TBC1D22B: variants seen among roughly 807,000 people sequenced by gnomAD.
TBC1D22B encodes chromosome 6 open reading frame 197.
In TBC1D22B, 32 loss-of-function variants were observed where a neutral mutation model predicts 69.1. The observed-to-expected ratio is 0.46, with a 90% CI of 0.35 to 0.62. TBC1D22B has a LOEUF of 0.62. Among genes scored for constraint, TBC1D22B ranks in the 20% least tolerant of loss-of-function variants. The pLI is 0.00. For synonymous variants in TBC1D22B, 206 were observed against 229.8 expected, an observed-to-expected ratio of 0.90 and a Z score of 0.94; for missense variants, 462 against 630.9, an observed-to-expected ratio of 0.73 and a Z score of 2.87.
At chr6:37,289,085 G>A (rs565355161) in intron 7 of TBC1D22B, among the ~76,000 whole-genome samples, 2 of 152,026 alleles carry the variant, frequency 1.3e-5, no homozygotes, top group South Asian at 4.2e-4. Context: ...TTGTAGAGAT[G>A]GGGTCTTGCT....
chr6:37,321,384 T>G (rs567901046), intron 12 of TBC1D22B, among the ~76,000 whole-genome samples: 1 of 152,288 alleles, frequency 6.6e-6, no homozygotes, highest in African/African-American at 2.4e-5. Flanking sequence ...GGTTTCCACC[T>G]CCCTCAAGAT....
chr6:37,290,505 A>G (rs1470006703), intron 7 of TBC1D22B, among the ~76,000 whole-genome samples: 1 of 152,162 alleles, frequency 6.6e-6, no homozygotes, highest in Non-Finnish European at 1.5e-5. Flanking sequence ...GGGACCATAA[A>G]GATCTTTCCT....
intron 2 of TBC1D22B, among the ~76,000 whole-genome samples, chr6:37,275,966 CTT>C (rs149995165): frequency 1.5e-3 from 205 of 133,120 alleles, no homozygotes; most frequent in African/African-American, 4.7e-3. Flanking sequence ...TTCTTTTTTT[CTT>C]TTTTTTTTTT....
intron 2 of TBC1D22B, among the ~76,000 whole-genome samples, chr6:37,276,297 AC>A (rs939667604): frequency 1.3e-5 from 2 of 152,062 alleles, no homozygotes; most frequent in African/African-American, 2.4e-5. Flanking sequence ...GTTCTCACCA[AC>A]CTTGTTTTGT....
chr6:37,299,380 C>T (rs148474309), intron 8 of TBC1D22B, among the ~76,000 whole-genome samples: 1 of 151,836 alleles, frequency 6.6e-6, no homozygotes, highest in East Asian at 1.9e-4. Flanking sequence ...TTTTTTTTAC[C>T]GCCCAACATG....
Position 37,267,442 on chromosome 6 carries a change from T to C in TBC1D22B, c.57-2152T>C, listed in dbSNP as rs570524488. Among the ~76,000 whole-genome samples the C allele has an allele frequency of 9.9e-5, 14 of 141,978 alleles. No homozygotes were observed. In the South Asian group the frequency reaches 3.1e-3, roughly 31 times the overall value. 93.1% of individuals were successfully genotyped at this position (141,978 alleles called of 152,430 possible). On this transcript the variant is annotated intron_variant, in intron 1 of 12. Transcript: ENST00000373491. ...TACACATATAATATATATACACACA[T>C]ATATAATATATATATACACATATAT...
chr6:37,282,498 C>A, intron 4 of TBC1D22B, 134 bp downstream of exon 4: 1 of 1,073,556 alleles, frequency 9.3e-7, no homozygotes, highest in Non-Finnish European at 1.3e-6. Flanking sequence ...ATTGCAGTGA[C>A]ATGCAGGTAT....
chr6:37,266,518 G>A (rs1343149424), intron 1 of TBC1D22B, among the ~76,000 whole-genome samples: 1 of 144,440 alleles, frequency 6.9e-6, no homozygotes, highest in African/African-American at 2.6e-5. Context: ...CTGGAGTGCA[G>A]TGGTACAATC....
chr6:37,261,479 A>C (rs1766100475), intron 1 of TBC1D22B, among the ~76,000 whole-genome samples: 1 of 151,160 alleles, frequency 6.6e-6, no homozygotes, highest in Admixed American at 6.6e-5. Context: ...CTGACTGCCT[A>C]GGTTAAAATC....
In TBC1D22B at chr6:37,267,526, CT is replaced by C. The variant is rs1399168119; in HGVS notation, c.57-2067del. 5.6e-3 allele frequency among the ~76,000 whole-genome samples: 315 copies of C among 56,600 alleles called. 6 individuals are homozygous for C. Among genetic ancestry groups the C allele is most frequent in the African/African-American group, 0.02 (288 of 14,600 alleles). 37.1% of individuals were successfully genotyped at this position (56,600 alleles called of 152,430 possible). ...ACTATATATATAATATATATATACA[CT>C]ATATATATAATATATATATACACAT... On this transcript the variant is annotated intron_variant, in intron 1 of 12. Transcript: ENST00000373491.
Position 37,332,762 on chromosome 6 carries a change from T to TCCCAACCCTCTTCCTTTTC in TBC1D22B, c.*1594_*1612dup, listed in dbSNP as rs1317809425. On this transcript the variant is annotated 3_prime_UTR_variant, in exon 13 of 13. Coordinates refer to ENST00000373491, the MANE Select transcript of TBC1D22B (RefSeq NM_017772.4). ...TCTGGAGCTGTTTCTCAGGCATTCT[T>TCCCAACCCTCTTCCTTTTC]CCCAACCCTCTTCCTTTTCCCCTTC... 4 of 152,726 alleles carry TCCCAACCCTCTTCCTTTTC rather than the reference T, an allele frequency of 2.6e-5. No individual in the cohort carries two copies. The highest frequency in any genetic ancestry group is 9.7e-5 in the African/African-American group (4 of 41,440). 9.5% of individuals were successfully genotyped at this position (152,726 alleles called of 1,614,324 possible).
chr6:37,261,854 G>A (rs945897727), intron 1 of TBC1D22B, among the ~76,000 whole-genome samples: 6 of 151,752 alleles, frequency 4.0e-5, no homozygotes, highest in African/African-American at 1.5e-4. Flanking sequence ...GGCCAACATG[G>A]TGAATCTCCG....
At chr6:37,287,122 T>A (rs1370139723) in intron 7 of TBC1D22B, 50 bp downstream of exon 7, 1 of 1,496,374 alleles carries the variant, frequency 6.7e-7, no homozygotes, top group Non-Finnish European at 9.1e-7. Context: ...CATAGTTCTG[T>A]GGCACCTGTT....
chr6:37,287,991 A>C (rs1767059662), intron 7 of TBC1D22B, among the ~76,000 whole-genome samples: 1 of 152,164 alleles, frequency 6.6e-6, no homozygotes, highest in Non-Finnish European at 1.5e-5. Context: ...AGTAACTGTA[A>C]ACTTCTTAAG....
intron 2 of TBC1D22B, among the ~76,000 whole-genome samples, chr6:37,270,705 A>G (rs1487313090): frequency 8.5e-5 from 13 of 152,280 alleles, no homozygotes; most frequent in Non-Finnish European, 5.9e-5. Flanking sequence ...ATTTGGGGGC[A>G]TGCTTAATTT....
intron 2 of TBC1D22B, among the ~76,000 whole-genome samples, chr6:37,271,605 G>T (rs1053512515): frequency 6.6e-6 from 1 of 151,896 alleles, no homozygotes; most frequent in East Asian, 1.9e-4. Flanking sequence ...AAATAAAGTG[G>T]TTTTTTAAAA....
chr6:37,266,616 C>G (rs762391052), intron 1 of TBC1D22B, among the ~76,000 whole-genome samples: 2 of 152,072 alleles, frequency 1.3e-5, no homozygotes, highest in Non-Finnish European at 2.9e-5. Context: ...TGCCTGCCAC[C>G]ATGCCCGGCT....
At chr6:37,280,220 A>G (rs1194822389) in intron 3 of TBC1D22B, among the ~76,000 whole-genome samples, 1 of 152,148 alleles carries the variant, frequency 6.6e-6, no homozygotes, top group Admixed American at 6.5e-5. Context: ...TGGTGGTTTT[A>G]TTAGCTTTTG....
intron 1 of TBC1D22B, among the ~76,000 whole-genome samples, chr6:37,267,601 A>G: frequency 6.7e-6 from 1 of 149,324 alleles, no homozygotes; most frequent in East Asian, 1.9e-4. Context: ...TGGAAGATTT[A>G]TCTTTTTATT....
Sources: gnomAD v4.1 joint callset for allele counts (sites outside exome capture counted in the v4.1 genomes callset) on GRCh38, gnomAD v4.1.1 for gene constraint, MANE v1.5 for transcripts, NCBI Gene and HGNC (gene_info 2026-07-23, HGNC 2026-07-21) for gene names.